Variants in AREL1 observed in about 807,000 individuals in gnomAD.
AREL1 encodes the protein apoptosis-resistant E3 ubiquitin protein ligase 1.
AREL1 carries 62 observed loss-of-function variants against 99.0 expected under a neutral mutation model. The ratio of observed to expected loss-of-function variants is 0.63; its 90% CI spans 0.51 to 0.77. The LOEUF (loss-of-function observed/expected upper bound fraction) is 0.77, where lower values mean the gene tolerates loss of function less well. Among genes scored for constraint, AREL1 ranks in the 30% least tolerant of loss-of-function variants. The pLI is 0.00. For missense variants in AREL1, 879 were observed against 1,027.6 expected (o/e 0.86, Z 1.98); for synonymous variants, 380 against 376.5 (o/e 1.01, Z -0.11).
At chr14:74,680,556 A>G (rs1360957414) in intron 5 of AREL1, among the ~76,000 whole-genome samples, 1 of 152,210 alleles carries the variant, frequency 6.6e-6, no homozygotes, top group Non-Finnish European at 1.5e-5. Flanking sequence ...ATACTAGAGA[A>G]ATGAAAATTT....
intron 5 of AREL1, among the ~76,000 whole-genome samples, chr14:74,678,832 C>T (rs1410400186): frequency 2.0e-5 from 3 of 151,948 alleles, no homozygotes; most frequent in Middle Eastern, 3.2e-3. Context: ...GGATCTGAGA[C>T]CAAAGATTTC....
chr14:74,708,534 G>T (rs894879090), intron 1 of AREL1, among the ~76,000 whole-genome samples: 1 of 152,192 alleles, frequency 6.6e-6, no homozygotes, highest in East Asian at 1.9e-4. Flanking sequence ...GCGGACAAGA[G>T]AGGGGTTAAA....
At chr14:74,668,080 T>G (rs1209478684) in intron 15 of AREL1, among the ~76,000 whole-genome samples, 1 of 152,246 alleles carries the variant, frequency 6.6e-6, no homozygotes, top group East Asian at 1.9e-4. Context: ...GTTTGATACT[T>G]GAAGATCCTG....
At chr14:74,689,241 G>T (rs1219911933) in intron 2 of AREL1, among the ~76,000 whole-genome samples, 1 of 151,958 alleles carries the variant, frequency 6.6e-6, no homozygotes, top group Non-Finnish European at 1.5e-5. Context: ...GACCCTGTTG[G>T]GGGCTCTCTC....
At chr14:74,690,833 T>TGAGTCACTTATC (rs2089862264) in intron 2 of AREL1, among the ~76,000 whole-genome samples, 1 of 152,224 alleles carries the variant, frequency 6.6e-6, no homozygotes, top group African/African-American at 2.4e-5. Context: ...ACCCACTTAT[T>TGAGTCACTTATC]GAGTCACTTA....
chr14:74,665,018 G>A (rs931249162), intron 17 of AREL1, 93 bp from the exon 18 acceptor site: 2 of 957,144 alleles, frequency 2.1e-6, no homozygotes, highest in African/African-American at 1.6e-5. Context: ...GCAAAATGTA[G>A]AAGAAAACAT....
intron 9 of AREL1, 101 bp from the exon 10 acceptor site, chr14:74,673,319 G>T: frequency 8.1e-7 from 1 of 1,240,134 alleles, no homozygotes; most frequent in Non-Finnish European, 1.1e-6. Context: ...AATAAGTTAG[G>T]CTTGTTTTCT....
chr14:74,671,361 G>GT (rs1292635193), intron 12 of AREL1, 47 bp downstream of exon 12: 2 of 670,782 alleles, frequency 3.0e-6, no homozygotes, highest in Non-Finnish European at 4.7e-6. Flanking sequence ...GAAGGTGCGA[G>GT]TGGGGAGGAG....
intron 1 of AREL1, among the ~76,000 whole-genome samples, chr14:74,709,281 A>G (rs1349990142): frequency 6.6e-6 from 1 of 152,186 alleles, no homozygotes; most frequent in Non-Finnish European, 1.5e-5. Context: ...TAATAAATAA[A>G]AGGTAAAATG....
chr14:74,708,408 T>C (rs1230379806), intron 1 of AREL1, among the ~76,000 whole-genome samples: 1 of 152,166 alleles, frequency 6.6e-6, no homozygotes, highest in African/African-American at 2.4e-5. Context: ...CCACCTGGGA[T>C]TTCTTCTTTA....
At chr14:74,667,732 CT>C in intron 15 of AREL1, 138 bp from the exon 16 acceptor site, 1 of 1,099,834 alleles carries the variant, frequency 9.1e-7, no homozygotes, top group Non-Finnish European at 1.3e-6. Flanking sequence ...GTGCATTCAG[CT>C]TTTCAACACA....
At chr14:74,684,933 G>T (rs1017881855) in intron 3 of AREL1, among the ~76,000 whole-genome samples, 3 of 152,202 alleles carry the variant, frequency 2.0e-5, no homozygotes, top group Non-Finnish European at 4.4e-5. Flanking sequence ...TTGGGATACA[G>T]CCACACCCAT....
Position 74,683,439 on chromosome 14 carries a change from A to C in AREL1, c.338T>G (p.Val113Gly). 1 of 1,614,140 alleles carries C rather than the reference A, an allele frequency of 6.2e-7. No individual in the cohort carries two copies. Among genetic ancestry groups the C allele is most frequent in the Non-Finnish European group, 8.5e-7 (1 of 1,180,018 alleles). Reference protein sequence around the residue: ...SHVELAVEIPVTQEVLQEPNS... With the variant: ...SHVELAVEIPGTQEVLQEPNS... ...GGGCTCCTGAAGGACTTCCTGGGTC[A>C]CTGGAATTTCCACTGCTAGCTCGAC... is the stretch of plus-strand genomic sequence containing the variant. Residue 113 changes from valine to glycine, a missense_variant, in exon 5 of 20, where the codon GTG becomes GGG. Coordinates refer to ENST00000356357, the MANE Select transcript of AREL1 (RefSeq NM_001039479.2).
chr14:74,666,581 T>C (rs1053399775), intron 17 of AREL1, among the ~76,000 whole-genome samples: 8 of 152,178 alleles, frequency 5.3e-5, no homozygotes, highest in African/African-American at 1.9e-4. Context: ...GCTGGAACTT[T>C]GTCTTATTCG....
At chr14:74,671,093 A>G (rs2089326946) in intron 12 of AREL1, among the ~76,000 whole-genome samples, 1 of 152,070 alleles carries the variant, frequency 6.6e-6, no homozygotes, top group Admixed American at 6.6e-5. Context: ...GTATGGAAAC[A>G]CCAGAGGTCG....
At chr14:74,683,646 C>G (rs1283118340) in intron 4 of AREL1, 113 bp from the exon 5 acceptor site, 2 of 861,070 alleles carry the variant, frequency 2.3e-6, no homozygotes, top group African/African-American at 3.3e-5. Flanking sequence ...CAGTAAATCC[C>G]AGTACCTACC....
chr14:74,691,419 A>C (rs2089877892), intron 2 of AREL1, among the ~76,000 whole-genome samples: 2 of 152,116 alleles, frequency 1.3e-5, no homozygotes, highest in African/African-American at 4.8e-5. Context: ...TAAAGTCATA[A>C]GGATAGTGAA....
rs1005455453 is a variant in AREL1 at position 74,684,770 on chromosome 14, A to C, written c.17-90T>G. 3 of 1,199,156 alleles carry C rather than the reference A, an allele frequency of 2.5e-6. No individual in the cohort carries two copies. The African/African-American group carries it at 4.5e-5, about 18-fold the overall frequency. The allele number at this position is 1,199,156 out of a possible 1,614,324, so 74.3% of individuals were successfully genotyped here. Reference sequence around the variant, plus strand: ...CAGGCCAGCCATTTCTCAAAAATTAAAGGAGGTCAGGATGAGACTGTAAGA... The same window carrying C: ...CAGGCCAGCCATTTCTCAAAAATTACAGGAGGTCAGGATGAGACTGTAAGA... On this transcript the variant is annotated intron_variant, in intron 3 of 19. Coordinates refer to ENST00000356357, the MANE Select transcript of AREL1 (RefSeq NM_001039479.2).
intron 1 of AREL1, among the ~76,000 whole-genome samples, chr14:74,707,391 A>G (rs1468570444): frequency 6.6e-6 from 1 of 151,586 alleles, no homozygotes; most frequent in Non-Finnish European, 1.5e-5. Context: ...GGCCGGGCAC[A>G]GTGGATCACA....
Sources: gnomAD v4.1 joint callset for allele counts (sites outside exome capture counted in the v4.1 genomes callset) on GRCh38, gnomAD v4.1.1 for gene constraint, MANE v1.5 for transcripts, NCBI Gene and HGNC (gene_info 2026-07-23, HGNC 2026-07-21) for gene names.